Variants in PRDM2 observed in about 807,000 individuals in gnomAD.
PRDM2 encodes the protein PR/SET domain 2.
In PRDM2, 30 loss-of-function variants were observed where a neutral mutation model predicts 130.0. That is an observed-to-expected ratio of 0.23 (90% CI 0.17 to 0.31). The LOEUF (loss-of-function observed/expected upper bound fraction) is 0.31, where lower values mean the gene tolerates loss of function less well. PRDM2 is among the 10% of genes least tolerant of loss of function. The pLI is 1.00. For missense variants in PRDM2, 2,011 were observed against 2,108.4 expected (o/e 0.95, Z 0.90); for synonymous variants, 871 against 782.4 (o/e 1.11, Z -1.89).
At chr1:13,720,774 C>T (rs1164637235) in intron 2 of PRDM2, among the ~76,000 whole-genome samples, 2 of 151,982 alleles carry the variant, frequency 1.3e-5, no homozygotes. Context: ...TGAATACAAT[C>T]GGAAATATTT....
chr1:13,738,652 C>T (rs998256931), intron 4 of PRDM2: 32 of 152,236 alleles, frequency 2.1e-4, no homozygotes, highest in African/African-American at 7.5e-4. Context: ...GACAAGTGGG[C>T]TTATTGAAAT....
intron 8 of PRDM2, chr1:13,786,735 C>A: frequency 7.1e-7 from 1 of 1,408,764 alleles, no homozygotes; most frequent in Non-Finnish European, 9.2e-7. Flanking sequence ...GCATGCTGGG[C>A]GCCCGGGTGA....
chr1:13,796,457 CAT>C (rs1432788102), intron 8 of PRDM2, among the ~76,000 whole-genome samples: 9 of 152,324 alleles, frequency 5.9e-5, no homozygotes, highest in African/African-American at 2.2e-4. Context: ...TTTGCTCACT[CAT>C]TAACAGTAGG....
chr1:13,802,207 G>T (rs563602154), intron 8 of PRDM2, among the ~76,000 whole-genome samples: 2 of 152,162 alleles, frequency 1.3e-5, no homozygotes, highest in African/African-American at 4.8e-5. Context: ...CGTCATCCCC[G>T]TGTTGAACAA....
chr1:13,787,708 CTT>C (rs1314263106), intron 8 of PRDM2: 1 of 984,700 alleles, frequency 1.0e-6, no homozygotes, highest in Non-Finnish European at 1.2e-6. Flanking sequence ...TTACATTTCA[CTT>C]TTTTTGTTGG....
chr1:13,814,047 C>T (rs1195777816), intron 8 of PRDM2, among the ~76,000 whole-genome samples: 1 of 152,174 alleles, frequency 6.6e-6, no homozygotes, highest in African/African-American at 2.4e-5. Flanking sequence ...AGACATTTCC[C>T]TGGGAAGGGG....
rs147714283 is a variant in PRDM2, at chr1:13,780,047, G to T, written c.2252G>T (p.Arg751Leu). 1 of 1,614,128 alleles carries T rather than the reference G, an allele frequency of 6.2e-7. No individual in the cohort carries two copies. The highest frequency in any genetic ancestry group is 1.3e-5 in the African/African-American group (1 of 74,992). ...PSSPQHSPAL[R>L]DFGKPSDGKA... is the part of the protein sequence containing the mutation. ...TCTCCACAGCACAGTCCTGCCCTTC[G>T]AGACTTTGGAAAGCCAAGTGATGGG... is the stretch of plus-strand genomic sequence containing the variant. Residue 751 changes from arginine to leucine, a missense_variant, in exon 8 of 10, where the codon CGA becomes CTA. Physicochemically the swap from Arg to Leu is moderately radical, Grantham distance 102. This residue lies in a region of PRDM2 where 1,288 missense variants were observed against 1,237.7 expected (regional missense o/e 1.04). Coordinates refer to ENST00000311066, the MANE Select transcript of PRDM2 (RefSeq NM_001393986.1).
chr1:13,808,368 G>A (rs185609728), intron 8 of PRDM2, among the ~76,000 whole-genome samples: 50 of 151,696 alleles, frequency 3.3e-4, no homozygotes, highest in Non-Finnish European at 3.8e-4. Context: ...GCGGGCTGAG[G>A]CAGGAGAATG....
At chr1:13,702,752 G>A (rs1642104721) in intron 1 of PRDM2, among the ~76,000 whole-genome samples, 1 of 151,976 alleles carries the variant, frequency 6.6e-6, no homozygotes, top group African/African-American at 2.4e-5. Flanking sequence ...AGCACCTTAG[G>A]TTATTTACTA....
intron 8 of PRDM2, among the ~76,000 whole-genome samples, chr1:13,795,807 C>A (rs114234192): frequency 1.3e-5 from 2 of 152,272 alleles, no homozygotes; most frequent in African/African-American, 4.8e-5. Flanking sequence ...GATGGATGAA[C>A]CTACTCTCTA....
intron 4 of PRDM2, among the ~76,000 whole-genome samples, chr1:13,736,671 C>T (rs1239037797): frequency 2.6e-5 from 4 of 151,158 alleles, no homozygotes; most frequent in South Asian, 2.1e-4. Context: ...TAAATTTTGC[C>T]AAACATTTTC....
At chr1:13,755,826 G>C (rs1441076932) in intron 6 of PRDM2, among the ~76,000 whole-genome samples, 1 of 151,876 alleles carries the variant, frequency 6.6e-6, no homozygotes, top group Non-Finnish European at 1.5e-5. Context: ...TAGAGACAGG[G>C]TCTTTCTGTG....
chr1:13,760,681 C>G (rs961190769), intron 6 of PRDM2, among the ~76,000 whole-genome samples: 10 of 152,134 alleles, frequency 6.6e-5, no homozygotes, highest in Non-Finnish European at 1.0e-4. Context: ...ATTTTTCTGT[C>G]TATAAAATGG....
chr1:13,816,401 T>C, intron 8 of PRDM2, 26 bp from the exon 9 acceptor site: 2 of 1,613,378 alleles, frequency 1.2e-6, no homozygotes, highest in Non-Finnish European at 1.7e-6. Context: ...CCTGTGACAA[T>C]GTGTGTTGTT....
intron 4 of PRDM2, 149 bp downstream of exon 4, chr1:13,733,031 C>A: frequency 1.6e-6 from 1 of 630,834 alleles, no homozygotes. Flanking sequence ...AATGTGTTTC[C>A]CTGGATACAG....
At chr1:13,739,855 T>TG (rs1643385835) in intron 4 of PRDM2, among the ~76,000 whole-genome samples, 1 of 152,182 alleles carries the variant, frequency 6.6e-6, no homozygotes, top group Admixed American at 6.5e-5. Context: ...ATATCTGTTT[T>TG]TTCACACCCT....
At chr1:13,815,007 G>A (rs1645234273) in intron 8 of PRDM2, among the ~76,000 whole-genome samples, 1 of 152,228 alleles carries the variant, frequency 6.6e-6, no homozygotes, top group Non-Finnish European at 1.5e-5. Context: ...GGTAGGTTTT[G>A]TGAAGAGTTA....
intron 2 of PRDM2, among the ~76,000 whole-genome samples, chr1:13,716,845 A>AAAT (rs776864020): frequency 2.6e-5 from 4 of 152,224 alleles, no homozygotes; most frequent in Non-Finnish European, 4.4e-5. Context: ...ACAAAACCCA[A>AAAT]AATATGAAGT....
chr1:13,822,439 A>G (rs1645367820), intron 9 of PRDM2, among the ~76,000 whole-genome samples: 1 of 143,476 alleles, frequency 7.0e-6, no homozygotes, highest in Admixed American at 7.3e-5. Context: ...TCTGTCTCCC[A>G]GGCTGGAGTG....
Sources: allele counts gnomAD v4.1 joint callset (sites outside exome capture counted in the v4.1 genomes callset), GRCh38; gene constraint gnomAD v4.1.1; regional missense constraint gnomAD v4.1.1; transcripts MANE v1.5; gene names NCBI Gene and HGNC (gene_info 2026-07-23, HGNC 2026-07-21).